SHISA9: variants seen among roughly 807,000 people sequenced by gnomAD.
The protein encoded by SHISA9 is shisa family member 9, also known as protein shisa-9.
In SHISA9, 13 loss-of-function variants were observed where a neutral mutation model predicts 38.0. The ratio of observed to expected loss-of-function variants is 0.34; its 90% CI spans 0.22 to 0.54. The LOEUF is 0.54. SHISA9 is among the 20% of genes least tolerant of loss of function. The pLI, the probability that SHISA9 is intolerant of heterozygous loss-of-function variation, is 0.91. For synonymous variants in SHISA9, 275 were observed against 242.0 expected (o/e 1.14, Z -1.27); for missense variants, 538 against 575.8 (o/e 0.93, Z 0.67).
At chr16:13,216,076 A>G (rs1451156911) in intron 4 of SHISA9, among the ~76,000 whole-genome samples, 2 of 151,676 alleles carry the variant, frequency 1.3e-5, no homozygotes, top group Non-Finnish European at 2.9e-5. Flanking sequence ...AGTCCCAGCT[A>G]CTCAGGAGGC....
the SHISA9 span, among the ~76,000 whole-genome samples, chr16:13,540,301 A>T: frequency 6.6e-6 from 1 of 151,982 alleles, no homozygotes; most frequent in African/African-American, 2.4e-5. Flanking sequence ...GACCAACCTA[A>T]TTTGCAACTC....
chr16:13,157,907 ATTTG>A (rs1366740153), intron 2 of SHISA9, among the ~76,000 whole-genome samples: 1 of 152,188 alleles, frequency 6.6e-6, no homozygotes, highest in Non-Finnish European at 1.5e-5. Context: ...CCTCAGCTCC[ATTTG>A]TTTGTTTTCA....
intron 2 of SHISA9, among the ~76,000 whole-genome samples, chr16:13,012,740 T>C (rs2072693532): frequency 6.6e-6 from 1 of 152,218 alleles, no homozygotes; most frequent in Non-Finnish European, 1.5e-5. Context: ...AATGCTTTTG[T>C]AAGCATTCTG....
intron 2 of SHISA9, among the ~76,000 whole-genome samples, chr16:13,098,727 G>A (rs1339167682): frequency 6.6e-6 from 1 of 152,220 alleles, no homozygotes; most frequent in South Asian, 2.1e-4. Context: ...GCATGTGGCT[G>A]TTGCTGCCTC....
chr16:12,967,455 T>C (rs573864119), intron 2 of SHISA9, among the ~76,000 whole-genome samples: 9 of 152,184 alleles, frequency 5.9e-5, no homozygotes, highest in African/African-American at 2.2e-4. Context: ...ATATACCTAA[T>C]GCTAAATGAC....
At chr16:13,265,564 C>G in the SHISA9 span, among the ~76,000 whole-genome samples, 1 of 132,752 alleles carries the variant, frequency 7.5e-6, no homozygotes, top group African/African-American at 2.9e-5. Context: ...CTCCACTCCC[C>G]TACCTTCACC....
the SHISA9 span, among the ~76,000 whole-genome samples, chr16:13,461,956 C>G: frequency 1.3e-5 from 2 of 152,044 alleles, no homozygotes; most frequent in Non-Finnish European, 2.9e-5. Context: ...GAAGTATTCA[C>G]CCATTCAATA....
intron 2 of SHISA9, among the ~76,000 whole-genome samples, chr16:13,032,004 C>CTT (rs200868558): frequency 6.8e-6 from 1 of 147,472 alleles, no homozygotes. Context: ...CAACTTTCAA[C>CTT]TTTTTTTTTT....
At chr16:13,232,480 G>C (rs999332717) in intron 4 of SHISA9, among the ~76,000 whole-genome samples, 2 of 152,090 alleles carry the variant, frequency 1.3e-5, no homozygotes, top group East Asian at 3.9e-4. Context: ...GATGAAAAAG[G>C]TCAAACTCTG....
intron 2 of SHISA9, among the ~76,000 whole-genome samples, chr16:13,174,933 GA>G (rs2050718680): frequency 6.6e-6 from 1 of 152,246 alleles, no homozygotes; most frequent in African/African-American, 2.4e-5. Flanking sequence ...GCAAAGATAT[GA>G]GAGAAATTTA....
intron 2 of SHISA9, among the ~76,000 whole-genome samples, chr16:13,073,218 CTCTCTT>C (rs948146302): frequency 1.4e-5 from 2 of 146,652 alleles, no homozygotes; most frequent in African/African-American, 5.1e-5. Flanking sequence ...CTCTCTCTCT[CTCTCTT>C]TTTTTTTTTT....
At chr16:13,463,151 C>A in the SHISA9 span, among the ~76,000 whole-genome samples, 1 of 151,934 alleles carries the variant, frequency 6.6e-6, no homozygotes, top group African/African-American at 2.4e-5. Context: ...CAGAGTGAGA[C>A]CCTGTCTCAA....
chr16:13,126,219 C>G (rs2050255147), intron 2 of SHISA9, among the ~76,000 whole-genome samples: 2 of 152,188 alleles, frequency 1.3e-5, no homozygotes, highest in South Asian at 2.1e-4. Flanking sequence ...TGAGAGGAAG[C>G]CTTCCCTGGG....
At chr16:13,557,084 G>A in the SHISA9 span, among the ~76,000 whole-genome samples, 1 of 152,126 alleles carries the variant, frequency 6.6e-6, no homozygotes, top group Non-Finnish European at 1.5e-5. Flanking sequence ...ACAGTGCCTG[G>A]CATATAGTAA....
chr16:13,250,656 T>C, the SHISA9 span, among the ~76,000 whole-genome samples: 3 of 152,124 alleles, frequency 2.0e-5, no homozygotes, highest in South Asian at 4.1e-4. Flanking sequence ...ACCAGGTGCT[T>C]ATATATATAA....
At chr16:13,554,345 G>T in the SHISA9 span, among the ~76,000 whole-genome samples, 1 of 150,994 alleles carries the variant, frequency 6.6e-6, no homozygotes, top group African/African-American at 2.4e-5. Context: ...TAACTACAGG[G>T]AAGGGCATGG....
chr16:13,559,843 G>A, the SHISA9 span, among the ~76,000 whole-genome samples: 4 of 152,180 alleles, frequency 2.6e-5, no homozygotes, highest in African/African-American at 9.7e-5. Flanking sequence ...AAAGGTAGGG[G>A]ATATTCCTAG....
intron 2 of SHISA9, among the ~76,000 whole-genome samples, chr16:13,036,033 G>T (rs2073056906): frequency 6.6e-6 from 1 of 152,210 alleles, no homozygotes; most frequent in South Asian, 2.1e-4. Context: ...GACTGGAATT[G>T]TCACACACTG....
At chr16:13,060,515 G>A (rs551357740) in intron 2 of SHISA9, among the ~76,000 whole-genome samples, 1 of 152,036 alleles carries the variant, frequency 6.6e-6, no homozygotes, top group African/African-American at 2.4e-5. Context: ...GGTACAGCAA[G>A]CCTTGGGCGA....
Sources: gnomAD v4.1 joint callset for allele counts (sites outside exome capture counted in the v4.1 genomes callset) on GRCh38, gnomAD v4.1.1 for gene constraint, MANE v1.5 for transcripts, NCBI Gene and HGNC (gene_info 2026-07-23, HGNC 2026-07-21) for gene names.